Variants in ZDHHC11 observed in about 807,000 individuals in gnomAD.
The protein encoded by ZDHHC11 is zDHHC palmitoyltransferase 11.
A neutral mutation model predicts 51.3 loss-of-function variants in ZDHHC11; 44 were observed. That is an observed-to-expected ratio of 0.86 (90% CI 0.67 to 1.10). ZDHHC11 has a LOEUF of 1.10. Among genes scored for constraint, ZDHHC11 ranks in the 50% least tolerant of loss-of-function variants. The pLI is 0.00. For synonymous variants in ZDHHC11, 163 were observed against 222.0 expected (o/e 0.73, Z 2.36); for missense variants, 400 against 537.7 (o/e 0.74, Z 2.53).
rs1218583694 is a variant in ZDHHC11 at position 844,489 on chromosome 5, T to C, written c.504-765A>G. Among the ~76,000 whole-genome samples the C allele has an allele frequency of 9.2e-5, 14 of 152,404 alleles. No individual in the cohort carries two copies. In the East Asian group the frequency reaches 2.7e-3, roughly 29 times the overall value. ...TCTGCCCGCACCTCCCGACTCCACCTGATGCAGACAGGCCTCCCTACCAGC... is the reference window on the plus strand; with the variant it reads ...TCTGCCCGCACCTCCCGACTCCACCCGATGCAGACAGGCCTCCCTACCAGC... On this transcript the variant is annotated intron_variant, in intron 3 of 12. Coordinates refer to ENST00000283441, the MANE Select transcript of ZDHHC11 (RefSeq NM_024786.3).
intron 5 of ZDHHC11, chr5:839,502 A>G (rs1259437906): frequency 6.7e-6 from 1 of 149,170 alleles, no homozygotes; most frequent in Admixed American, 6.6e-5. Context: ...ATTAAAAAAA[A>G]TTCAACCCTC....
At chr5:814,820 T>C in intron 10 of ZDHHC11, 25 bp from the exon 11 acceptor site, 1 of 1,528,730 alleles carries the variant, frequency 6.5e-7, no homozygotes, top group East Asian at 2.4e-5. Flanking sequence ...GATGCAAAAT[T>C]CATAGGATGA....
rs747380485 is a variant in ZDHHC11 at position 848,614 on chromosome 5, G to A, written c.269C>T (p.Ala90Val). 4.7e-5 allele frequency: 74 copies of A among 1,585,734 alleles called. No homozygotes were observed. The highest frequency in any genetic ancestry group is 5.4e-5 in the Non-Finnish European group (63 of 1,166,590). Residue 90 changes from alanine to valine, a missense_variant, in exon 2 of 13, where the codon GCG (alanine) becomes GTG (valine). Physicochemically the swap from Ala to Val is moderately conservative, Grantham distance 64. Transcript: ENST00000283441. Reference protein sequence around the residue: ...FSFHLVVHLIASCIDPADSNV... With the variant: ...FSFHLVVHLIVSCIDPADSNV... ...GGAGTCGGCCGGGTCGATGCAGGAC[G>A]CGATCAGGTGGACGACGAGGTGGAA...
At chr5:802,702 G>A (rs6555499) in intron 11 of ZDHHC11, among the ~76,000 whole-genome samples, 30,671 of 148,772 alleles carry the variant, frequency 0.21, 4,454 homozygotes, top group African/African-American at 0.41. Context: ...GGCTGGGTGC[G>A]GTGGCTCACA....
intron 8 of ZDHHC11, among the ~76,000 whole-genome samples, chr5:824,579 G>T (rs1175768657): frequency 6.6e-6 from 1 of 151,638 alleles, no homozygotes; most frequent in African/African-American, 2.4e-5. Context: ...GATGGACACA[G>T]AGTCCATGTA....
intron 7 of ZDHHC11, among the ~76,000 whole-genome samples, 163 bp from the exon 8 acceptor site, chr5:825,414 T>C (rs1461914444): frequency 1.3e-5 from 2 of 152,086 alleles, no homozygotes; most frequent in Non-Finnish European, 2.9e-5. Flanking sequence ...TAAGTACTCC[T>C]GCGTTATGTG....
intron 5 of ZDHHC11, chr5:840,238 T>A: frequency 1.4e-6 from 1 of 718,880 alleles, no homozygotes; most frequent in Non-Finnish European, 2.5e-6. Flanking sequence ...CTCCTGCAGG[T>A]CTCGGCGTGA....
chr5:840,348 CTGA>C (rs1561280301), intron 5 of ZDHHC11, 144 bp downstream of exon 5: 1 of 1,110,108 alleles, frequency 9.0e-7, no homozygotes, highest in East Asian at 2.5e-5. Flanking sequence ...GAGGCTGACC[CTGA>C]ACACATGCGC....
chr5:810,707 A>G (rs1414098564), intron 11 of ZDHHC11, among the ~76,000 whole-genome samples: 1 of 151,542 alleles, frequency 6.6e-6, no homozygotes, highest in East Asian at 1.9e-4. Flanking sequence ...CTGTGACAAA[A>G]AAAGGGTTAA....
At chr5:825,518 C>T (rs144856969) in intron 7 of ZDHHC11, among the ~76,000 whole-genome samples, 13,676 of 141,240 alleles carry the variant, frequency 0.097, 211 homozygotes, top group African/African-American at 0.18. Context: ...CGTGTGAGAC[C>T]TGCCCTACAC....
At position 820,230 on chromosome 5, in the gene ZDHHC11, T is replaced by C. The variant is rs376787649; in HGVS notation, c.1059-618A>G. ...TACTTAAAAGACCATAGTTACATGA[T>C]AGTTTGAAGTGATATTCAAGTGCTT... On this transcript the variant is annotated intron_variant, in intron 9 of 12. Coordinates refer to ENST00000283441, the MANE Select transcript of ZDHHC11 (RefSeq NM_024786.3). Among the ~76,000 whole-genome samples, 64 of 151,542 alleles carry C rather than the reference T, an allele frequency of 4.2e-4. 1 individual carries two copies. Among genetic ancestry groups the C allele is most frequent in the Middle Eastern group, 3.4e-3 (1 of 294 alleles).
intron 7 of ZDHHC11, 88 bp downstream of exon 7, chr5:833,685 G>A (rs1414258070): frequency 2.9e-6 from 2 of 699,032 alleles, no homozygotes; most frequent in African/African-American, 1.8e-5. Context: ...CATCATAGGT[G>A]AATTATTTTC....
upstream of ZDHHC11, among the ~76,000 whole-genome samples, chr5:852,570 G>C (rs985121031): frequency 1.3e-5 from 2 of 151,908 alleles, no homozygotes; most frequent in African/African-American, 4.8e-5. Context: ...ACCCCACGGA[G>C]GACAATGAGC....
In ZDHHC11 at chr5:856,464, C is replaced by T. The variant is rs533008758; in HGVS notation, c.-1+2410G>A. The stretch of plus-strand genomic sequence containing the variant: ...CATACAGATTACACACCACACCACA[C>T]GAAACACACGAGACCACACAATCCA... On this transcript the variant is annotated intron_variant, in intron 1 of 3. Transcript: ENST00000685990. Among the ~76,000 whole-genome samples the T allele has an allele frequency of 9.3e-4, 140 of 150,582 alleles. 1 individual carries two copies. The highest frequency in any genetic ancestry group is 3.3e-3 in the African/African-American group (135 of 40,962).
rs111233373 is a variant in ZDHHC11 at position 846,643 on chromosome 5, G to C, written c.503+871C>G. ...CACCTCTCATCCTTGCGCCTCCACCGTGCTCAGGGGAAATACCTCTCGCCT... is the reference window on the plus strand; with the variant it reads ...CACCTCTCATCCTTGCGCCTCCACCCTGCTCAGGGGAAATACCTCTCGCCT... On this transcript the variant is annotated intron_variant, in intron 3 of 12. Coordinates refer to ENST00000283441, the MANE Select transcript of ZDHHC11 (RefSeq NM_024786.3). Among the ~76,000 whole-genome samples, 72 of 134,720 alleles carry C rather than the reference G, an allele frequency of 5.3e-4. 1 individual carries two copies. The highest frequency in any genetic ancestry group is 2.2e-3 in the African/African-American group (72 of 32,106). 88.4% of individuals were successfully genotyped at this position (134,720 alleles called of 152,430 possible). A position where few individuals can be genotyped will look rare whatever the true frequency, so the allele number is the denominator to read the frequency against.
intron 1 of ZDHHC11, 108 bp from the exon 2 acceptor site, chr5:848,768 C>G: frequency 6.7e-7 from 1 of 1,485,124 alleles, no homozygotes; most frequent in Non-Finnish European, 9.1e-7. Flanking sequence ...CAGCCCTGCT[C>G]ACCCAGCCCT....
intron 11 of ZDHHC11, among the ~76,000 whole-genome samples, chr5:810,498 A>G (rs1739946651): frequency 6.6e-6 from 1 of 151,288 alleles, no homozygotes; most frequent in Non-Finnish European, 1.5e-5. Flanking sequence ...GTGATTAGCA[A>G]CATCACACCT....
chr5:851,038 C>T (rs2150477007), upstream of ZDHHC11: 1 of 217,644 alleles, frequency 4.6e-6, no homozygotes, highest in South Asian at 9.6e-5. Context: ...AAACCCACGT[C>T]AGAAAGAGGC....
In ZDHHC11 at chr5:850,392, T is replaced by A; in HGVS notation, c.211A>T (p.Ile71Phe). 2 of 1,613,554 alleles carry A rather than the reference T, an allele frequency of 1.2e-6. No individual in the cohort carries two copies. Among genetic ancestry groups the A allele is most frequent in the Non-Finnish European group, 1.7e-6 (2 of 1,180,004 alleles). ...GATGAAAAGGATACCACGTAGGCAA[T>A]GTATTTCCACGCGTGAGGCAGGAAG... The part of the protein sequence containing the change: ...IPFLPHAWKY[I>F]AYVVTGGIFS... The change falls in exon 1 of 13, where the codon ATT (isoleucine) becomes TTT (phenylalanine). Residue 71 changes from isoleucine (I) to phenylalanine (F), a missense_variant. This residue lies in a region of ZDHHC11 where 119 missense variants were observed against 99.6 expected (regional missense o/e 1.20). Transcript: ENST00000283441.
Sources: allele counts gnomAD v4.1 joint callset (sites outside exome capture counted in the v4.1 genomes callset), GRCh38; gene constraint gnomAD v4.1.1; regional missense constraint gnomAD v4.1.1; transcripts MANE v1.5; gene names NCBI Gene and HGNC (gene_info 2026-07-23, HGNC 2026-07-21).